SLC9C2: variants seen among roughly 807,000 people sequenced by gnomAD.
The protein encoded by SLC9C2 is solute carrier family 9 member C2 (putative), also known as sodium/hydrogen exchanger 11.
In SLC9C2, 75 loss-of-function variants were observed where a neutral mutation model predicts 140.2. The ratio of observed to expected loss-of-function variants is 0.53; its 90% CI spans 0.44 to 0.65. The LOEUF (loss-of-function observed/expected upper bound fraction) is 0.65, where lower values mean the gene tolerates loss of function less well. Ranked by LOEUF, SLC9C2 falls within the 30% of genes least tolerant of loss-of-function variation. The probability of loss-of-function intolerance (pLI) is 0.00; values close to 1 mark genes in which losing one functional copy is unlikely to be tolerated. For missense variants in SLC9C2, 1,074 were observed against 1,331.8 expected (o/e 0.81, Z 3.01); for synonymous variants, 375 against 420.9 (o/e 0.89, Z 1.34).
intron 4 of SLC9C2, among the ~76,000 whole-genome samples, chr1:173,591,859 C>G (rs748963703): frequency 1.3e-5 from 2 of 152,118 alleles, no homozygotes; most frequent in African/African-American, 2.4e-5. Flanking sequence ...TGCATAAGCC[C>G]TTAAGTTTAA....
chr1:173,540,894 C>T (rs1251692659), intron 13 of SLC9C2, among the ~76,000 whole-genome samples: 2 of 152,002 alleles, frequency 1.3e-5, no homozygotes, highest in Admixed American at 6.6e-5. Flanking sequence ...AGAGTAAAGA[C>T]CAAAACATGC....
At chr1:173,567,412 T>C (rs1664542942) in intron 9 of SLC9C2, among the ~76,000 whole-genome samples, 1 of 152,152 alleles carries the variant, frequency 6.6e-6, no homozygotes. Context: ...CATTATATAA[T>C]GACCTTCTTT....
At chr1:173,563,604 T>C (rs1664260029) in intron 9 of SLC9C2, among the ~76,000 whole-genome samples, 2 of 152,206 alleles carry the variant, frequency 1.3e-5, no homozygotes, top group South Asian at 4.1e-4. Context: ...TGTGTATTTA[T>C]GGGGTACATG....
At chr1:173,513,856 T>C (rs1321838880) in intron 23 of SLC9C2, among the ~76,000 whole-genome samples, 2 of 152,244 alleles carry the variant, frequency 1.3e-5, no homozygotes, top group Non-Finnish European at 2.9e-5. Context: ...TGTTGTCTCT[T>C]TGTTCTCATT....
chr1:173,501,230 C>T (rs1284630623), intron 27 of SLC9C2, 133 bp from the exon 28 acceptor site: 2 of 922,750 alleles, frequency 2.2e-6, no homozygotes, highest in Non-Finnish European at 1.5e-6. Flanking sequence ...CCTAAAAGAT[C>T]TTCATATGAA....
In SLC9C2 at chr1:173,517,531, T is replaced by A. The variant is rs1660505683; in HGVS notation, c.2907+6A>T. 6.3e-7 allele frequency: 1 copy of A among 1,590,018 alleles called. No individual in the cohort carries two copies. Among genetic ancestry groups the A allele is most frequent in the African/African-American group, 1.4e-5 (1 of 73,354 alleles). On this transcript the variant is annotated splice_donor_region_variant and intron_variant, in intron 23 of 27. Transcript: ENST00000367714. Reference sequence around the variant, plus strand: ...TTAATAACTCATGACAGAACCATTTTCCTACCTGTAAACTAGTTTCACAGA... The same window carrying A: ...TTAATAACTCATGACAGAACCATTTACCTACCTGTAAACTAGTTTCACAGA...
rs1659690970 is a variant in SLC9C2, at chr1:173,507,027, CT to C, written c.3053del (p.Gln1018ArgfsTer4). On this transcript the variant is annotated frameshift_variant, in exon 25 of 28. Transcript: ENST00000367714. LOFTEE classifies it high-confidence loss of function. ...ATGCTTGATTGAACATCACACAGTTCTGAAACCTTAAGTCCTATAATAAAAT... is the reference window on the plus strand; with the variant it reads ...ATGCTTGATTGAACATCACACAGTTCGAAACCTTAAGTCCTATAATAAAAT... ...SSLIDEDLRF[Q>X]NCVMFNQAYV... 1.9e-6 allele frequency: 3 copies of C among 1,586,480 alleles called. No individual in the cohort carries two copies. The East Asian group carries it at 6.8e-5, about 36-fold the overall frequency.
intron 9 of SLC9C2, among the ~76,000 whole-genome samples, chr1:173,571,114 A>G (rs1025973104): frequency 6.6e-6 from 1 of 152,120 alleles, no homozygotes; most frequent in African/African-American, 2.4e-5. Flanking sequence ...GGAGCCTTCT[A>G]TTCATCAGCC....
At chr1:173,548,333 G>C in intron 12 of SLC9C2, 56 bp downstream of exon 12, 1 of 1,531,732 alleles carries the variant, frequency 6.5e-7, no homozygotes, top group Non-Finnish European at 8.9e-7. Flanking sequence ...GCTAAAGCAA[G>C]TGAGGCAGAC....
At chr1:173,569,915 G>A (rs1371346889) in intron 9 of SLC9C2, among the ~76,000 whole-genome samples, 1 of 152,144 alleles carries the variant, frequency 6.6e-6, no homozygotes, top group Non-Finnish European at 1.5e-5. Context: ...TTTTTCCACA[G>A]GCAGGAAAGC....
At chr1:173,601,013 C>A (rs1666742240) in intron 2 of SLC9C2, among the ~76,000 whole-genome samples, 1 of 152,182 alleles carries the variant, frequency 6.6e-6, no homozygotes, top group Non-Finnish European at 1.5e-5. Context: ...GTTACTTGAT[C>A]TGCATGAATA....
intron 15 of SLC9C2, among the ~76,000 whole-genome samples, chr1:173,535,048 C>T (rs1449640213): frequency 6.6e-6 from 1 of 151,950 alleles, no homozygotes; most frequent in Non-Finnish European, 1.5e-5. Flanking sequence ...TAAATAATTA[C>T]TATGACATAT....
At chr1:173,538,923 G>A (rs995523317) in intron 13 of SLC9C2, among the ~76,000 whole-genome samples, 1 of 152,018 alleles carries the variant, frequency 6.6e-6, no homozygotes, top group African/African-American at 2.4e-5. Flanking sequence ...CACATTCTGT[G>A]AGATACTCCT....
At chr1:173,504,268 AG>A (rs1316159813) in intron 26 of SLC9C2, among the ~76,000 whole-genome samples, 1 of 152,190 alleles carries the variant, frequency 6.6e-6, no homozygotes, top group African/African-American at 2.4e-5. Flanking sequence ...ATTGCTGCCA[AG>A]GGAAAAGCTT....
chr1:173,534,382 C>A (rs1167000882), intron 16 of SLC9C2, 102 bp downstream of exon 16: 13 of 1,227,072 alleles, frequency 1.1e-5, no homozygotes, highest in Non-Finnish European at 1.4e-5. Context: ...ACTATCATAG[C>A]AAATGGCTCT....
chr1:173,505,987 C>A (rs1488200773), intron 25 of SLC9C2, among the ~76,000 whole-genome samples: 2 of 152,176 alleles, frequency 1.3e-5, no homozygotes, highest in Non-Finnish European at 2.9e-5. Context: ...TGCAGTATTA[C>A]TCCTGTTGCT....
chr1:173,507,495 T>G (rs1208066408), intron 24 of SLC9C2, among the ~76,000 whole-genome samples: 1 of 147,826 alleles, frequency 6.8e-6, no homozygotes, highest in East Asian at 2.3e-4. Context: ...GGAGTTATTA[T>G]GGGTTGAATT....
intron 11 of SLC9C2, 45 bp downstream of exon 11, chr1:173,554,688 G>T: frequency 8.2e-7 from 1 of 1,222,886 alleles, no homozygotes; most frequent in South Asian, 1.2e-5. Flanking sequence ...TAACCTGTTT[G>T]TATTATTCTC....
intron 13 of SLC9C2, among the ~76,000 whole-genome samples, chr1:173,540,823 T>G (rs917934606): frequency 6.6e-6 from 1 of 152,142 alleles, no homozygotes; most frequent in African/African-American, 2.4e-5. Flanking sequence ...AAGCCATGGT[T>G]TGCCAGGTTG....
Sources: allele counts gnomAD v4.1 joint callset (sites outside exome capture counted in the v4.1 genomes callset), GRCh38; gene constraint gnomAD v4.1.1; transcripts MANE v1.5; gene names NCBI Gene and HGNC (gene_info 2026-07-23, HGNC 2026-07-21).